NOS2: variants seen among roughly 807,000 people sequenced by gnomAD.
NOS2 encodes the protein nitric oxide synthase 2, also known as nitric oxide synthase, inducible.
A neutral mutation model predicts 136.0 loss-of-function variants in NOS2; 96 were observed. That is an observed-to-expected ratio of 0.71 (90% CI 0.60 to 0.84). The LOEUF (loss-of-function observed/expected upper bound fraction) is 0.84, where lower values mean the gene tolerates loss of function less well. Among genes scored for constraint, NOS2 ranks in the 40% least tolerant of loss-of-function variants. The probability of loss-of-function intolerance (pLI) is 0.00; values close to 1 mark genes in which losing one functional copy is unlikely to be tolerated. For synonymous variants in NOS2, 539 were observed against 587.5 expected, an observed-to-expected ratio of 0.92 and a Z score of 1.20; for missense variants, 1,237 against 1,496.9, an observed-to-expected ratio of 0.83 and a Z score of 2.87.
intron 2 of NOS2, among the ~76,000 whole-genome samples, chr17:27,791,792 C>T (rs151022038): frequency 3.4e-4 from 40 of 118,606 alleles, no homozygotes; most frequent in African/African-American, 1.2e-3. Flanking sequence ...CAAAACAAAA[C>T]AAAACAAAAC....
chr17:27,760,612 T>C lies in NOS2; in HGVS notation c.3010+11A>G. 6.4e-7 allele frequency: 1 copy of C among 1,552,618 alleles called. No individual in the cohort carries two copies. ...TGGTGCCCCTCCCACCTGGGAAGCC[T>C]CCAGCCTTACCCTTGTGCTGGGAGT... On this transcript the variant is annotated intron_variant, in intron 24 of 26. Coordinates refer to ENST00000313735, the MANE Select transcript of NOS2 (RefSeq NM_000625.4).
Position 27,768,971 on chromosome 17 carries a change from A to T in NOS2, c.2034+6T>A. 1.3e-6 allele frequency: 2 copies of T among 1,595,202 alleles called. No homozygotes were observed. Among genetic ancestry groups the T allele is most frequent in the South Asian group, 1.1e-5 (1 of 88,438 alleles). ...TGCTGTGGGGCAGCTCTGGCTGGGA[A>T]CTGACCTTGAAGGTTTGCACGGCCC... On this transcript the variant is annotated splice_donor_region_variant and intron_variant, in intron 17 of 26. Coordinates refer to ENST00000313735, the MANE Select transcript of NOS2 (RefSeq NM_000625.4).
At chr17:27,797,234 T>C (rs1352834479) in intron 2 of NOS2, among the ~76,000 whole-genome samples, 2 of 152,226 alleles carry the variant, frequency 1.3e-5, no homozygotes, top group Non-Finnish European at 2.9e-5. Context: ...GTGAAGCCCC[T>C]AGAGGGAACT....
Position 27,765,735 on chromosome 17 carries a change from G to A in NOS2, c.2247-19C>T. 6.3e-7 allele frequency: 1 copy of A among 1,581,382 alleles called. No homozygotes were observed. On this transcript the variant is annotated intron_variant, in intron 19 of 26. Transcript: ENST00000313735. Reference sequence around the variant, plus strand: ...GGCACGGCTGGGGAAGGAAAATGAAGCCTCAGGTGACATTGCAGGATTTCC... The same window carrying A: ...GGCACGGCTGGGGAAGGAAAATGAAACCTCAGGTGACATTGCAGGATTTCC...
chr17:27,775,878 C>T (rs1908642641), intron 11 of NOS2, among the ~76,000 whole-genome samples: 1 of 152,248 alleles, frequency 6.6e-6, no homozygotes, highest in South Asian at 2.1e-4. Flanking sequence ...ATTAGCTGCT[C>T]TTATAATCTC....
intron 11 of NOS2, among the ~76,000 whole-genome samples, chr17:27,777,797 C>A (rs28999384): frequency 6.6e-6 from 1 of 151,990 alleles, no homozygotes; most frequent in Non-Finnish European, 1.5e-5. Flanking sequence ...ATAATCCCAG[C>A]GCTTTGGGAG....
At chr17:27,788,988 C>G in intron 3 of NOS2, 57 bp from the exon 4 acceptor site, 1 of 1,583,490 alleles carries the variant, frequency 6.3e-7, no homozygotes, top group Non-Finnish European at 8.6e-7. Context: ...CCAGGCCCTG[C>G]CTTGTCTTAG....
Position 27,772,423 on chromosome 17 carries a change from C to T in NOS2, c.1589G>A (p.Arg530His), listed in dbSNP as rs1397715505. ...TCTGACTCGGGACGCCATTGTCTTG[C>T]GCATCAGCATACAGGCAAAGAGCAC... ...KAVLFACMLM[R>H]KTMASRVRVT... The change falls in exon 14 of 27, where the codon CGC becomes CAC. Residue 530 changes from arginine to histidine, a missense_variant. By Grantham distance (29) the Arg-to-His change is conservative (BLOSUM62 0). Coordinates refer to ENST00000313735, the MANE Select transcript of NOS2 (RefSeq NM_000625.4). 1.7e-5 allele frequency: 27 copies of T among 1,613,894 alleles called. No homozygotes were observed. Among genetic ancestry groups the T allele is most frequent in the Admixed American group, 5.0e-5 (3 of 59,994 alleles).
chr17:27,757,428 T>A (rs1597540706), intron 26 of NOS2, 75 bp from the exon 27 acceptor site: 1 of 1,202,058 alleles, frequency 8.3e-7, no homozygotes, highest in East Asian at 2.4e-5. Flanking sequence ...AGCTTCCCTA[T>A]CACATGGACC....
chr17:27,783,189 G>T (rs1380423331), intron 5 of NOS2, 83 bp from the exon 6 acceptor site: 1 of 1,468,976 alleles, frequency 6.8e-7, no homozygotes, highest in Non-Finnish European at 9.4e-7. Flanking sequence ...AGCAGGAACT[G>T]AAATAGGACA....
intron 17 of NOS2, 105 bp from the exon 18 acceptor site, chr17:27,767,942 C>A: frequency 7.1e-7 from 1 of 1,416,380 alleles, no homozygotes; most frequent in Admixed American, 1.8e-5. Flanking sequence ...AACACTGAGC[C>A]GTGTGTTTCG....
intron 20 of NOS2, among the ~76,000 whole-genome samples, chr17:27,764,586 G>T (rs1908237050): frequency 2.0e-5 from 3 of 152,226 alleles, no homozygotes; most frequent in Admixed American, 2.0e-4. Context: ...GAAGTCCCAG[G>T]GAGCAGCATG....
intron 25 of NOS2, among the ~76,000 whole-genome samples, chr17:27,759,443 G>C (rs1017133237): frequency 6.6e-6 from 1 of 152,122 alleles, no homozygotes; most frequent in African/African-American, 2.4e-5. Flanking sequence ...CTACCCATTA[G>C]GTCTCTGCAG....
In NOS2 at chr17:27,760,604, G is replaced by C. The variant is rs1283634052; in HGVS notation, c.3010+19C>G. 3.4e-5 allele frequency: 52 copies of C among 1,552,142 alleles called. No individual in the cohort carries two copies. The highest frequency in any genetic ancestry group is 4.4e-5 in the Non-Finnish European group (51 of 1,147,554). On this transcript the variant is annotated intron_variant, in intron 24 of 26. Coordinates refer to ENST00000313735, the MANE Select transcript of NOS2 (RefSeq NM_000625.4). ...TGGCCCCCTGGTGCCCCTCCCACCT[G>C]GGAAGCCTCCAGCCTTACCCTTGTG...
intron 5 of NOS2, 54 bp from the exon 6 acceptor site, chr17:27,783,160 G>A (rs1311822061): frequency 1.9e-6 from 3 of 1,576,818 alleles, no homozygotes; most frequent in Admixed American, 3.4e-5. Flanking sequence ...CTTACATGGG[G>A]ATTAATTCAA....
At chr17:27,777,874 A>G (rs572512320) in intron 11 of NOS2, among the ~76,000 whole-genome samples, 13 of 152,068 alleles carry the variant, frequency 8.5e-5, no homozygotes, top group African/African-American at 3.1e-4. Context: ...GAAAAACACC[A>G]TCTCTACTAA....
rs756600474 is a variant in NOS2, at chr17:27,762,817, C to G, written c.2781G>C (p.Val927=). 27 of 1,553,230 alleles carry G rather than the reference C, an allele frequency of 1.7e-5. No individual in the cohort carries two copies. The South Asian group carries it at 3.2e-4, about 18-fold the overall frequency. Reference sequence around the variant, plus strand: ...GCTCACCTCGGGTGTGGTAGGTGACCACGGCCACAGTCAGGTGGATCTCTG... The same window carrying G: ...GCTCACCTCGGGTGTGGTAGGTGACGACGGCCACAGTCAGGTGGATCTCTG... ...TPTEIHLTVA[V]VTYHTRDGQG... Residue 927 remains valine, a synonymous_variant, in exon 22 of 27, where the codon GTG becomes GTC. Transcript: ENST00000313735.
intron 22 of NOS2, 58 bp from the exon 23 acceptor site, chr17:27,761,289 C>T: frequency 1.5e-6 from 2 of 1,372,168 alleles, no homozygotes; most frequent in Non-Finnish European, 9.9e-7. Context: ...CAAACTGTAC[C>T]AGCTGCTCCG....
At position 27,771,033 on chromosome 17, in the gene NOS2, G is replaced by A. The variant is rs201718715; in HGVS notation, c.1705-16C>T. 6.3e-7 allele frequency: 1 copy of A among 1,599,080 alleles called. No homozygotes were observed. The highest frequency in any genetic ancestry group is 8.6e-7 in the Non-Finnish European group (1 of 1,167,278). On this transcript the variant is annotated splice_polypyrimidine_tract_variant and intron_variant, in intron 14 of 26. Coordinates refer to ENST00000313735, the MANE Select transcript of NOS2 (RefSeq NM_000625.4). Reference sequence around the variant, plus strand: ...TGCAGACAACCTGGATGGCACCCAAGTGGACATCAGCCCTCGGCTCCCAGT... The same window carrying A: ...TGCAGACAACCTGGATGGCACCCAAATGGACATCAGCCCTCGGCTCCCAGT...
Sources: gnomAD v4.1 joint callset for allele counts (sites outside exome capture counted in the v4.1 genomes callset) on GRCh38, gnomAD v4.1.1 for gene constraint, MANE v1.5 for transcripts, NCBI Gene and HGNC (gene_info 2026-07-23, HGNC 2026-07-21) for gene names.